The following ARFGEF1 variants were observed in gnomAD, a reference collection of about 807,000 sequenced individuals.
ARFGEF1 encodes the protein ARF guanine nucleotide exchange factor 1.
Under a neutral mutation model 231.0 loss-of-function variants are expected in ARFGEF1, and 42 were observed. That is an observed-to-expected ratio of 0.18 (90% CI 0.14 to 0.24). ARFGEF1 has a LOEUF of 0.24. Among genes scored for constraint, ARFGEF1 ranks in the 10% least tolerant of loss-of-function variants. The pLI, the probability that ARFGEF1 is intolerant of heterozygous loss-of-function variation, is 1.00. For synonymous variants in ARFGEF1, 710 were observed against 732.3 expected, an observed-to-expected ratio of 0.97 and a Z score of 0.49; for missense variants, 1,345 against 2,192.0, an observed-to-expected ratio of 0.61 and a Z score of 7.72.
intron 7 of ARFGEF1, among the ~76,000 whole-genome samples, chr8:67,281,397 C>T (rs1805530840): frequency 6.6e-6 from 1 of 152,066 alleles, no homozygotes; most frequent in African/African-American, 2.4e-5. Context: ...TACCCATGCA[C>T]ACACAGTCAC....
Position 67,190,665 on chromosome 8 carries a change from C to T in ARFGEF1, c.560+9731G>A, listed in dbSNP as rs1368965128. The T allele has an allele frequency of 5.0e-6, 8 of 1,613,818 alleles. No individual in the cohort carries two copies. Among genetic ancestry groups the T allele is most frequent in the Non-Finnish European group, 6.8e-6 (8 of 1,179,818 alleles). ...GTCCTCTTAGGGGCTTACGGTGAGA[C>T]ATATCCTGCCATTGAAGATGACGTC... is the stretch of plus-strand genomic sequence containing the variant. On this transcript the variant is annotated intron_variant, in intron 5 of 5. Coordinates refer to the ARFGEF1 transcript ENST00000518789.
chr8:67,264,194 G>A (rs1266956468), intron 14 of ARFGEF1, among the ~76,000 whole-genome samples: 1 of 151,942 alleles, frequency 6.6e-6, no homozygotes, highest in East Asian at 1.9e-4. Context: ...ACTGAAGAAT[G>A]AACAAAACCA....
chr8:67,274,053 T>G (rs1195692095), intron 9 of ARFGEF1, among the ~76,000 whole-genome samples: 1 of 152,202 alleles, frequency 6.6e-6, no homozygotes, highest in Non-Finnish European at 1.5e-5. Context: ...TATTCTTGTA[T>G]TCATCCATTT....
chr8:67,271,985 AG>A, intron 9 of ARFGEF1, 49 bp from the exon 10 acceptor site: 1 of 1,162,512 alleles, frequency 8.6e-7, no homozygotes, highest in Non-Finnish European at 1.2e-6. Flanking sequence ...TTGGCATTAT[AG>A]TAATAACAGG....
intron 5 of ARFGEF1, among the ~76,000 whole-genome samples, chr8:67,190,387 T>C (rs1236154213): frequency 6.6e-6 from 1 of 152,176 alleles, no homozygotes; most frequent in Non-Finnish European, 1.5e-5. Context: ...CAGAGCCGTG[T>C]TTGCCCGGGG....
At chr8:67,201,088 A>C (rs1838309910) in intron 37 of ARFGEF1, among the ~76,000 whole-genome samples, 1 of 152,254 alleles carries the variant, frequency 6.6e-6, no homozygotes, top group Non-Finnish European at 1.5e-5. Context: ...GCTTAAAGTA[A>C]AAGAGTAAAA....
intron 5 of ARFGEF1, among the ~76,000 whole-genome samples, chr8:67,192,075 T>C (rs572629914): frequency 7.4e-6 from 1 of 134,672 alleles, no homozygotes; most frequent in Non-Finnish European, 1.7e-5. Context: ...TGTTTTTTTT[T>C]TTGTTTTTTT....
At chr8:67,175,098 A>G, downstream of ARFGEF1, 2 of 548,622 alleles carry the variant, frequency 3.6e-6, no homozygotes, top group East Asian at 6.3e-5. Context: ...GTGAAAAGAC[A>G]CTTATTAAAG....
chr8:67,317,569 G>A lies in ARFGEF1; in HGVS notation c.125-15103C>T, dbSNP rs1369854444. Among the ~76,000 whole-genome samples the A allele has an allele frequency of 2.0e-5, 3 of 147,356 alleles. No individual in the cohort carries two copies. In the Admixed American group the frequency reaches 2.1e-4, roughly 10 times the overall value. On this transcript the variant is annotated intron_variant, in intron 1 of 38. Transcript: ENST00000262215. Reference sequence around the variant, plus strand: ...AGGTATAAAAAGAATTAAATACCATGACCCACTGGGGTTTATTCTAAAGAC... The same window carrying A: ...AGGTATAAAAAGAATTAAATACCATAACCCACTGGGGTTTATTCTAAAGAC...
chr8:67,232,951 A>G lies in ARFGEF1; in HGVS notation c.3290-6T>C. Reference sequence around the variant, plus strand: ...CCAGTCCACATTTCCTCCAACTACCACACATAAAAAAAAGTCATTTCAGTT... The same window carrying G: ...CCAGTCCACATTTCCTCCAACTACCGCACATAAAAAAAAGTCATTTCAGTT... On this transcript the variant is annotated splice_polypyrimidine_tract_variant and splice_region_variant and intron_variant, in intron 22 of 38. Coordinates refer to ENST00000262215, the MANE Select transcript of ARFGEF1 (RefSeq NM_006421.5). The G allele has an allele frequency of 1.2e-6, 2 of 1,601,250 alleles. No individual in the cohort carries two copies. Among genetic ancestry groups the G allele is most frequent in the Non-Finnish European group, 1.7e-6 (2 of 1,172,288 alleles).
chr8:67,261,830 CTTTTTTTTTT>C (rs34170422), intron 14 of ARFGEF1, among the ~76,000 whole-genome samples: 23 of 117,998 alleles, frequency 1.9e-4, no homozygotes, highest in Middle Eastern at 4.7e-3. Context: ...AATTTCAAGT[CTTTTTTTTTT>C]TTTTTTTTTT....
chr8:67,202,695 C>G (rs530210094), intron 36 of ARFGEF1, among the ~76,000 whole-genome samples: 13 of 152,288 alleles, frequency 8.5e-5, no homozygotes, highest in African/African-American at 2.9e-4. Context: ...TGAGCTCTGG[C>G]CACTCCCAGT....
intron 7 of ARFGEF1, among the ~76,000 whole-genome samples, chr8:67,286,626 T>G (rs543406927): frequency 6.6e-6 from 1 of 152,378 alleles, no homozygotes; most frequent in African/African-American, 2.4e-5. Context: ...TGCCAACTCC[T>G]TAACTATACT....
intron 33 of ARFGEF1, among the ~76,000 whole-genome samples, chr8:67,211,952 TTC>T (rs1462081427): frequency 1.1e-4 from 16 of 152,294 alleles, no homozygotes; most frequent in African/African-American, 3.9e-4. Context: ...GAAAAGGATC[TTC>T]TGTCACCCAT....
At position 67,237,321 on chromosome 8, in the gene ARFGEF1, T is replaced by C. The variant is rs932908018; in HGVS notation, c.3289+1022A>G. On this transcript the variant is annotated intron_variant, in intron 22 of 38. Coordinates refer to ENST00000262215, the MANE Select transcript of ARFGEF1 (RefSeq NM_006421.5). ...CCTTACAATACTATAGCATCTATGC[T>C]ATCATGGAGGGACAGACTGCATTGC... Among the ~76,000 whole-genome samples, 3 of 152,230 alleles carry C rather than the reference T, an allele frequency of 2.0e-5. No individual in the cohort carries two copies. The South Asian group carries it at 6.2e-4, about 31-fold the overall frequency.
chr8:67,185,154 T>C (rs575508059), intron 5 of ARFGEF1, among the ~76,000 whole-genome samples: 3 of 151,340 alleles, frequency 2.0e-5, no homozygotes, highest in Non-Finnish European at 4.4e-5. Flanking sequence ...AAACACAACA[T>C]AGTCCAAGAG....
chr8:67,311,348 C>A (rs1763332146), intron 1 of ARFGEF1, among the ~76,000 whole-genome samples: 1 of 128,408 alleles, frequency 7.8e-6, no homozygotes, highest in Non-Finnish European at 1.7e-5. Flanking sequence ...GGCGCCTCTG[C>A]CCGGCCGCCC....
chr8:67,200,255 G>A (rs1838279397), intron 38 of ARFGEF1, 141 bp downstream of exon 38: 1 of 720,560 alleles, frequency 1.4e-6, no homozygotes, highest in African/African-American at 1.7e-5. Flanking sequence ...CAAGGCCACT[G>A]GTGGCTTTGC....
At chr8:67,250,238 C>T (rs1028303345) in intron 19 of ARFGEF1, among the ~76,000 whole-genome samples, 2 of 152,078 alleles carry the variant, frequency 1.3e-5, no homozygotes, top group Non-Finnish European at 2.9e-5. Context: ...AAGATCACTC[C>T]GGTCTCTATA....
Sources: allele counts gnomAD v4.1 joint callset (sites outside exome capture counted in the v4.1 genomes callset), GRCh38; gene constraint gnomAD v4.1.1; transcripts MANE v1.5; gene names NCBI Gene and HGNC (gene_info 2026-07-23, HGNC 2026-07-21).